UPF2: variants seen among roughly 807,000 people sequenced by gnomAD.
UPF2 encodes the protein UPF2 regulator of nonsense mediated mRNA decay.
Under a neutral mutation model 141.4 loss-of-function variants are expected in UPF2, and 17 were observed. The observed-to-expected ratio is 0.12, with a 90% CI of 0.08 to 0.18. UPF2 has a LOEUF of 0.18. UPF2 is among the 10% of genes least tolerant of loss of function. UPF2 has a pLI of 1.00. For missense variants in UPF2, 1,152 were observed against 1,515.9 expected (o/e 0.76, Z 3.99); for synonymous variants, 540 against 498.0 (o/e 1.08, Z -1.12).
Position 12,004,593 on chromosome 10 carries a change from T to C in UPF2, c.1441A>G (p.Ile481Val), listed in dbSNP as rs770027852. 2.5e-6 allele frequency: 4 copies of C among 1,613,776 alleles called. No homozygotes were observed. The South Asian group carries it at 3.3e-5, about 13-fold the overall frequency. Residue 481 changes from isoleucine to valine, a missense_variant, in exon 5 of 22, where the codon ATC becomes GTC. This residue lies in a region of UPF2 where 739 missense variants were observed against 1,032.2 expected (regional missense o/e 0.72). Coordinates refer to ENST00000357604, the MANE Select transcript of UPF2 (RefSeq NM_015542.4). The stretch of plus-strand genomic sequence containing the variant: ...CTTTTTTCATTGTCTTTAAACAAGA[T>C]GGCTGGGACAAAAGCCTTCAAATCA... ...LIDLKAFVPA[I>V]LFKDNEKSCQ...
intron 21 of UPF2, 51 bp downstream of exon 21, chr10:11,929,814 T>C (rs1173593579): frequency 1.3e-6 from 2 of 1,596,098 alleles, no homozygotes; most frequent in African/African-American, 2.7e-5. Flanking sequence ...AATTTATTCT[T>C]ATGGACATCA....
chr10:11,970,890 T>C (rs762624887), intron 9 of UPF2, among the ~76,000 whole-genome samples: 23 of 152,000 alleles, frequency 1.5e-4, no homozygotes, highest in Non-Finnish European at 2.8e-4. Context: ...TTGGGAAATA[T>C]ATATATATAT....
intron 3 of UPF2, among the ~76,000 whole-genome samples, chr10:12,026,359 T>C (rs1020754796): frequency 4.6e-5 from 7 of 152,098 alleles, no homozygotes; most frequent in African/African-American, 1.7e-4. Flanking sequence ...AGGTCACAGA[T>C]AGAAAAGAAT....
At chr10:12,009,007 C>T (rs1834084870) in intron 4 of UPF2, among the ~76,000 whole-genome samples, 1 of 152,032 alleles carries the variant, frequency 6.6e-6, no homozygotes, top group South Asian at 2.1e-4. Flanking sequence ...CATGTCCCTG[C>T]AAAGGACATG....
chr10:11,951,006 T>C (rs1833067138), intron 15 of UPF2, among the ~76,000 whole-genome samples: 1 of 152,206 alleles, frequency 6.6e-6, no homozygotes, highest in Admixed American at 6.5e-5. Context: ...ATGTACCAAG[T>C]TCTAGTGGGA....
At chr10:11,994,593 T>C (rs1431343332) in intron 8 of UPF2, among the ~76,000 whole-genome samples, 1 of 152,190 alleles carries the variant, frequency 6.6e-6, no homozygotes, top group Admixed American at 6.5e-5. Context: ...TAAAACTGCA[T>C]ATGGCCAAGA....
At chr10:11,987,917 A>G (rs1833720160) in intron 8 of UPF2, among the ~76,000 whole-genome samples, 1 of 152,152 alleles carries the variant, frequency 6.6e-6, no homozygotes, top group Non-Finnish European at 1.5e-5. Context: ...AAGATGAACT[A>G]CATCAAACTT....
intron 4 of UPF2, among the ~76,000 whole-genome samples, chr10:12,012,545 C>T (rs1471220779): frequency 2.6e-5 from 4 of 151,918 alleles, no homozygotes; most frequent in Non-Finnish European, 5.9e-5. Flanking sequence ...ATTGGGAGGC[C>T]GAGGTGTACC....
At chr10:11,970,939 T>C (rs75779023) in intron 9 of UPF2, among the ~76,000 whole-genome samples, 31,916 of 151,954 alleles carry the variant, frequency 0.21, 3,709 homozygotes, top group East Asian at 0.46. Flanking sequence ...ATGCATATCC[T>C]CTTCATCATC....
At position 11,959,485 on chromosome 10, in the gene UPF2, CA is replaced by C; in HGVS notation, c.2185-130del. On this transcript the variant is annotated intron_variant, in intron 11 of 21. Coordinates refer to ENST00000357604, the MANE Select transcript of UPF2 (RefSeq NM_015542.4). This position sits in a 1 kb window ranked among gnomAD's most constrained non-coding sequence, Gnocchi z 5.9. ...TTAGAAAGGCAAAGAAAGGACTGGG[CA>C]CTGTGGCTCACACCTATAATCCCAG... The C allele has an allele frequency of 2.2e-6, 2 of 913,208 alleles. No individual in the cohort carries two copies. Among genetic ancestry groups the C allele is most frequent in the South Asian group, 2.0e-5 (1 of 48,842 alleles). The allele number at this position is 913,208 out of a possible 1,614,324, so 56.6% of individuals were successfully genotyped here.
Position 12,001,692 on chromosome 10 carries a change from T to C in UPF2, c.1638A>G (p.Lys546=), listed in dbSNP as rs762400670. Residue 546 remains lysine (K), a synonymous_variant, in exon 6 of 22, where the codon AAA becomes AAG. Transcript: ENST00000357604. Reference sequence around the variant, plus strand: ...GTTCTTTACCTTGTTCATCAAGAAGTTTCTTTGTAAGATCTTCAGCTTCAT... The same window carrying C: ...GTTCTTTACCTTGTTCATCAAGAAGCTTCTTTGTAAGATCTTCAGCTTCAT... The part of the protein sequence containing the change: ...GGDEAEDLTK[K]LLDEQEQEDE... 3 of 1,601,252 alleles carry C rather than the reference T, an allele frequency of 1.9e-6. No individual in the cohort carries two copies. The highest frequency in any genetic ancestry group is 4.5e-5 in the East Asian group (2 of 44,570).
rs1303943153 is a variant in UPF2, at chr10:11,979,015, A to G, written c.1953+42T>C. 4.8e-6 allele frequency: 7 copies of G among 1,455,804 alleles called. No homozygotes were observed. The highest frequency in any genetic ancestry group is 6.7e-6 in the Non-Finnish European group (7 of 1,043,990). 90.2% of individuals were successfully genotyped at this position (1,455,804 alleles called of 1,614,324 possible). A position where few individuals can be genotyped will look rare whatever the true frequency, so the allele number is the denominator to read the frequency against. On this transcript the variant is annotated intron_variant, in intron 9 of 21. Coordinates refer to ENST00000357604, the MANE Select transcript of UPF2 (RefSeq NM_015542.4). The surrounding 1 kb of genome is among the most constrained non-coding windows in gnomAD (Gnocchi z 6.2). The stretch of plus-strand genomic sequence containing the variant: ...TTCTTAAAGAATCCTCACTCAACGT[A>G]TAAGAATATAAATATTTCAAAATAA...
At chr10:11,981,052 G>A (rs935516146) in intron 8 of UPF2, among the ~76,000 whole-genome samples, 24 of 152,132 alleles carry the variant, frequency 1.6e-4, no homozygotes, top group Admixed American at 4.6e-4. Flanking sequence ...AGCTGGGTGC[G>A]GTGGCACCTG....
chr10:11,996,414 C>T (rs914739638), intron 8 of UPF2, among the ~76,000 whole-genome samples: 1 of 150,894 alleles, frequency 6.6e-6, no homozygotes, highest in Non-Finnish European at 1.5e-5. Flanking sequence ...ATAGCATGAT[C>T]TTGGCTCACT....
chr10:11,967,648 C>T (rs1588541997), intron 9 of UPF2, among the ~76,000 whole-genome samples, 194 bp from the exon 10 acceptor site: 1 of 147,876 alleles, frequency 6.8e-6, no homozygotes, highest in East Asian at 2.1e-4. Flanking sequence ...CTCCTGGGTT[C>T]AAGCAATTCT....
chr10:12,027,180 G>A (rs1400003275), intron 3 of UPF2, among the ~76,000 whole-genome samples: 1 of 152,108 alleles, frequency 6.6e-6, no homozygotes, highest in Admixed American at 6.6e-5. Context: ...ATGGCACCGA[G>A]AGAACTGAGC....
chr10:11,975,808 C>T (rs1364809293), intron 9 of UPF2, among the ~76,000 whole-genome samples: 2 of 152,286 alleles, frequency 1.3e-5, no homozygotes, highest in African/African-American at 4.8e-5. Flanking sequence ...TGGGCCACCG[C>T]GCCCGGCCCT....
intron 9 of UPF2, among the ~76,000 whole-genome samples, chr10:11,976,845 C>T (rs922642252): frequency 6.6e-6 from 1 of 152,270 alleles, no homozygotes; most frequent in Middle Eastern, 3.4e-3. Context: ...TGTACAGATG[C>T]TATGTGAGGA....
rs147790933 is a variant in UPF2 at position 12,037,438 on chromosome 10, T to C, written c.-18-1997A>G. On this transcript the variant is annotated intron_variant, in intron 1 of 21. Coordinates refer to ENST00000357604, the MANE Select transcript of UPF2 (RefSeq NM_015542.4). ...TTTTTTTGAGTCTCGCTCTGTTGCC[T>C]AGGCTGGAGTGCAGTGGTGTGATCT... 7.3e-3 allele frequency among the ~76,000 whole-genome samples: 1,049 copies of C among 143,420 alleles called. 17 individuals are homozygous for C. The highest frequency in any genetic ancestry group is 0.026 in the African/African-American group (983 of 37,890). 94.1% of individuals were successfully genotyped at this position (143,420 alleles called of 152,430 possible).
Sources: allele counts gnomAD v4.1 joint callset (sites outside exome capture counted in the v4.1 genomes callset), GRCh38; gene constraint gnomAD v4.1.1; regional missense constraint gnomAD v4.1.1; non-coding constraint Gnocchi (gnomAD v3.1); transcripts MANE v1.5; gene names NCBI Gene and HGNC (gene_info 2026-07-23, HGNC 2026-07-21).